The following SH3RF3 variants were observed in gnomAD, a reference collection of about 807,000 sequenced individuals.
SH3RF3 encodes the protein E3 ubiquitin-protein ligase SH3RF3.
Under a neutral mutation model 66.3 loss-of-function variants are expected in SH3RF3, and 29 were observed. That is an observed-to-expected ratio of 0.44 (90% confidence interval 0.33 to 0.60). The LOEUF (loss-of-function observed/expected upper bound fraction) is 0.60. Among genes scored for constraint, SH3RF3 ranks in the 20% least tolerant of loss-of-function variants. The pLI is 0.04. For missense variants in SH3RF3, 1,194 were observed against 1,190.9 expected, an observed-to-expected ratio of 1.00 and a Z score of -0.04; for synonymous variants, 583 against 532.0, an observed-to-expected ratio of 1.10 and a Z score of -1.32.
chr2:109,416,974 C>T (rs1676742840), intron 4 of SH3RF3, among the ~76,000 whole-genome samples: 1 of 151,860 alleles, frequency 6.6e-6, no homozygotes, highest in Non-Finnish European at 1.5e-5. Flanking sequence ...CCCACACAGT[C>T]ACAGGCCATG....
At chr2:109,380,665 A>G (rs1460557290) in intron 3 of SH3RF3, among the ~76,000 whole-genome samples, 1 of 152,212 alleles carries the variant, frequency 6.6e-6, no homozygotes, top group Non-Finnish European at 1.5e-5. Context: ...CACTGGGGCC[A>G]CAGCCCACCT....
chr2:109,314,844 A>G (rs1412693989), intron 1 of SH3RF3, among the ~76,000 whole-genome samples: 1 of 152,238 alleles, frequency 6.6e-6, no homozygotes, highest in Non-Finnish European at 1.5e-5. Context: ...GAATCAGACC[A>G]CCAAAATATT....
intron 1 of SH3RF3, among the ~76,000 whole-genome samples, chr2:109,326,220 A>G (rs143368333): frequency 3.4e-4 from 52 of 152,288 alleles, no homozygotes; most frequent in Non-Finnish European, 5.9e-4. Context: ...TGCTTCTTCC[A>G]CCCAACAAGG....
rs572252612 is a variant in SH3RF3, at chr2:109,504,627, A to G, written c.*2956A>G. 2.0e-5 allele frequency: 3 copies of G among 152,374 alleles called. No individual in the cohort carries two copies. The East Asian group carries it at 5.8e-4, about 29-fold the overall frequency. The allele number at this position is 152,374 out of a possible 1,614,324, so 9.4% of individuals were successfully genotyped here. ...TCTGAGTCTTTAAATAAAAATGAACATGGAGAAGGCTTGTGTCTACGTGTT... is the reference window on the plus strand; with the variant it reads ...TCTGAGTCTTTAAATAAAAATGAACGTGGAGAAGGCTTGTGTCTACGTGTT... On this transcript the variant is annotated 3_prime_UTR_variant, in exon 10 of 10. Coordinates refer to ENST00000309415, the MANE Select transcript of SH3RF3 (RefSeq NM_001099289.3).
At chr2:109,332,623 G>C (rs1236547927) in intron 1 of SH3RF3, among the ~76,000 whole-genome samples, 3 of 152,148 alleles carry the variant, frequency 2.0e-5, no homozygotes, top group Admixed American at 2.0e-4. Flanking sequence ...AGGAAGCCAG[G>C]GCTGCCCCGT....
chr2:109,157,333 CA>C (rs1372238327), intron 1 of SH3RF3, among the ~76,000 whole-genome samples: 2 of 152,198 alleles, frequency 1.3e-5, no homozygotes, highest in African/African-American at 4.8e-5. Context: ...ACTTAAAATT[CA>C]ATATTGCATT....
intron 1 of SH3RF3, among the ~76,000 whole-genome samples, chr2:109,344,195 TAG>T (rs1682629339): frequency 6.6e-6 from 1 of 152,168 alleles, no homozygotes; most frequent in Non-Finnish European, 1.5e-5. Context: ...GTGAACAGCA[TAG>T]TCTCTTCCTG....
At chr2:109,291,514 C>T (rs1334167010) in intron 1 of SH3RF3, among the ~76,000 whole-genome samples, 2 of 152,148 alleles carry the variant, frequency 1.3e-5, no homozygotes, top group South Asian at 2.1e-4. Context: ...TGCGGAGGAG[C>T]GCTTGTGAGA....
At position 109,381,536 on chromosome 2, in the gene SH3RF3, G is replaced by A. The variant is rs188393797; in HGVS notation, c.945+9855G>A. Among the ~76,000 whole-genome samples the A allele has an allele frequency of 6.6e-5, 10 of 152,114 alleles. No homozygotes were observed. The East Asian group carries it at 1.9e-3, about 30-fold the overall frequency. On this transcript the variant is annotated intron_variant, in intron 3 of 9. Transcript: ENST00000309415. Reference sequence around the variant, plus strand: ...CTCCCTTCAGCGTGGCCATCACGGTGCCCTGACTCAGCTTCCAGTCCCCCG... The same window carrying A: ...CTCCCTTCAGCGTGGCCATCACGGTACCCTGACTCAGCTTCCAGTCCCCCG...
At chr2:109,484,138 G>A (rs929323718) in intron 8 of SH3RF3, among the ~76,000 whole-genome samples, 21 of 145,112 alleles carry the variant, frequency 1.4e-4, no homozygotes, top group Non-Finnish European at 2.8e-4. Context: ...GCGTGATCTT[G>A]TCACTGCAAC....
rs1464965960 is a variant in SH3RF3 at position 109,316,852 on chromosome 2, C to T, written c.574-30822C>T. Reference sequence around the variant, plus strand: ...TGGCTGCCGTGGGTCTTTGTACTGTCGCTGTAGTTCTGCGTTCTCCAGAAC... The same window carrying T: ...TGGCTGCCGTGGGTCTTTGTACTGTTGCTGTAGTTCTGCGTTCTCCAGAAC... On this transcript the variant is annotated intron_variant, in intron 1 of 9. Transcript: ENST00000309415. 2.0e-5 allele frequency among the ~76,000 whole-genome samples: 3 copies of T among 152,326 alleles called. 1 individual carries two copies. Among genetic ancestry groups the T allele is most frequent in the Admixed American group, 1.3e-4 (2 of 15,300 alleles).
intron 5 of SH3RF3, among the ~76,000 whole-genome samples, chr2:109,430,967 C>A (rs902265694): frequency 6.6e-6 from 1 of 152,204 alleles, no homozygotes; most frequent in Admixed American, 6.5e-5. Flanking sequence ...GGGCAGAGGG[C>A]CTTGCTATGT....
chr2:109,392,169 C>A (rs1464863577), intron 3 of SH3RF3, among the ~76,000 whole-genome samples: 2 of 152,216 alleles, frequency 1.3e-5, no homozygotes, highest in African/African-American at 4.8e-5. Flanking sequence ...ATGTACCCAA[C>A]CCATTCCAAT....
intron 1 of SH3RF3, among the ~76,000 whole-genome samples, chr2:109,164,206 C>T (rs1677562250): frequency 6.6e-6 from 1 of 151,758 alleles, no homozygotes; most frequent in Admixed American, 6.6e-5. Context: ...AGAGTTGGGG[C>T]CTTGCTCTGT....
chr2:109,262,514 G>A (rs1281221518), intron 1 of SH3RF3, among the ~76,000 whole-genome samples: 1 of 152,156 alleles, frequency 6.6e-6, no homozygotes, highest in East Asian at 1.9e-4. Flanking sequence ...ACCTACCCAG[G>A]CCCTTTCCTT....
intron 1 of SH3RF3, among the ~76,000 whole-genome samples, chr2:109,278,176 T>TAAAA (rs11423441): frequency 1.2e-4 from 17 of 147,554 alleles, no homozygotes; most frequent in African/African-American, 4.0e-4. Flanking sequence ...GACCCAATCT[T>TAAAA]AAAAAAAAAA....
intron 5 of SH3RF3, among the ~76,000 whole-genome samples, chr2:109,428,066 C>T (rs562834135): frequency 4.5e-4 from 68 of 152,356 alleles, no homozygotes; most frequent in African/African-American, 1.6e-3. Flanking sequence ...CCTGACAGCA[C>T]TCCTGCTGTG....
chr2:109,230,780 A>G (rs1165153394), intron 1 of SH3RF3, among the ~76,000 whole-genome samples: 8 of 152,204 alleles, frequency 5.3e-5, no homozygotes, highest in Admixed American at 5.2e-4. Context: ...ACATGACCCT[A>G]TCATAAGTGC....
At chr2:109,249,467 C>CTCTTTCTT (rs759428314) in intron 1 of SH3RF3, among the ~76,000 whole-genome samples, 2,751 of 98,966 alleles carry the variant, frequency 0.028, 174 homozygotes, top group Middle Eastern at 0.067. Context: ...TTCTCTCTTT[C>CTCTTTCTT]TCTTTCTTTC....
Sources: gnomAD v4.1 joint callset for allele counts (sites outside exome capture counted in the v4.1 genomes callset) on GRCh38, gnomAD v4.1.1 for gene constraint, MANE v1.5 for transcripts, NCBI Gene and HGNC (gene_info 2026-07-23, HGNC 2026-07-21) for gene names.